The following RBFOX1 variants were observed in gnomAD, a reference collection of about 807,000 sequenced individuals.
RBFOX1 encodes the protein RNA binding fox-1 homolog 1, also known as RNA binding protein fox-1 homolog 1.
A neutral mutation model predicts 57.7 loss-of-function variants in RBFOX1; 8 were observed. That is an observed-to-expected ratio of 0.14 (90% CI 0.08 to 0.25). The LOEUF is 0.25. Ranked by LOEUF, RBFOX1 falls within the 10% of genes least tolerant of loss-of-function variation. The pLI is 1.00. For missense variants in RBFOX1, 611 were observed against 548.5 expected (o/e 1.11, Z -1.14); for synonymous variants, 326 against 222.4 (o/e 1.47, Z -4.15).
At chr16:6,416,482 C>T (rs1242302405) in intron 2 of RBFOX1, among the ~76,000 whole-genome samples, 4 of 151,952 alleles carry the variant, frequency 2.6e-5, no homozygotes, top group Non-Finnish European at 2.9e-5. Flanking sequence ...TTGTCTTGTT[C>T]TTTTTTTCGT....
chr16:7,622,850 T>G (rs1596682294), intron 10 of RBFOX1, among the ~76,000 whole-genome samples: 1 of 152,200 alleles, frequency 6.6e-6, no homozygotes, highest in Non-Finnish European at 1.5e-5. Context: ...ACCATAACCC[T>G]TCAGAGAAGC....
intron 1 of RBFOX1, among the ~76,000 whole-genome samples, chr16:6,179,166 A>C (rs1379660424): frequency 6.6e-6 from 1 of 151,992 alleles, no homozygotes; most frequent in Non-Finnish European, 1.5e-5. Flanking sequence ...GTTGTGGGCA[A>C]CTCCTGCATG....
chr16:5,334,620 T>G (rs2064849578), intron 1 of RBFOX1, among the ~76,000 whole-genome samples: 1 of 152,100 alleles, frequency 6.6e-6, no homozygotes, highest in Admixed American at 6.5e-5. Context: ...TGGTATATTT[T>G]TCAAGTGTGT....
At chr16:7,424,330 T>G (rs1264244661) in intron 4 of RBFOX1, among the ~76,000 whole-genome samples, 5 of 152,120 alleles carry the variant, frequency 3.3e-5, no homozygotes. Context: ...TGCAATCTTT[T>G]CTGACTGCAA....
At chr16:7,388,117 G>T (rs1241487516) in intron 4 of RBFOX1, among the ~76,000 whole-genome samples, 1 of 151,836 alleles carries the variant, frequency 6.6e-6, no homozygotes, top group Non-Finnish European at 1.5e-5. Context: ...AACATAATCA[G>T]TGTTTATTGT....
intron 3 of RBFOX1, among the ~76,000 whole-genome samples, chr16:5,847,166 CT>C (rs1222025654): frequency 1.3e-5 from 2 of 152,114 alleles, no homozygotes; most frequent in African/African-American, 4.8e-5. Context: ...ACTCCAGGAA[CT>C]TGGTTGGAGT....
At chr16:5,409,260 C>T (rs1267735326) in intron 1 of RBFOX1, among the ~76,000 whole-genome samples, 1 of 152,198 alleles carries the variant, frequency 6.6e-6, no homozygotes, top group Non-Finnish European at 1.5e-5. Context: ...CTGCGATGGA[C>T]AGTGTTCACT....
intron 4 of RBFOX1, among the ~76,000 whole-genome samples, chr16:5,871,523 T>C (rs944149080): frequency 2.6e-5 from 4 of 152,218 alleles, no homozygotes; most frequent in African/African-American, 9.6e-5. Flanking sequence ...CAAAAACGCA[T>C]ACACATTTCC....
rs1244629225 is a variant in RBFOX1, at chr16:5,288,014, A to C, written c.219+47909A>C. 2.6e-5 allele frequency among the ~76,000 whole-genome samples: 4 copies of C among 152,166 alleles called. No individual in the cohort carries two copies. In the East Asian group the frequency reaches 7.7e-4, roughly 29 times the overall value. ...CTGCAGCCCAGGCAATGGGGGCCTG[A>C]CTAGGGAGGTACCATAGCAGGGACT... On this transcript the variant is annotated intron_variant, in intron 1 of 2. Transcript: ENST00000585867.
In RBFOX1 at chr16:5,783,790, T is replaced by A. The variant is rs549216346; in HGVS notation, c.319-83513T>A. ...ACGAAGAGGCAGGATAGTATAGGTA[T>A]GTTCCCAGGGGGCAGGCTCCCTAGT... is the stretch of plus-strand genomic sequence containing the variant. On this transcript the variant is annotated intron_variant, in intron 3 of 19. Coordinates refer to the RBFOX1 transcript ENST00000641259. 7.2e-5 allele frequency among the ~76,000 whole-genome samples: 11 copies of A among 152,314 alleles called. No homozygotes were observed. The East Asian group carries it at 2.1e-3, about 29-fold the overall frequency.
At chr16:5,651,817 G>A (rs59096290) in intron 3 of RBFOX1, among the ~76,000 whole-genome samples, 350 of 152,204 alleles carry the variant, frequency 2.3e-3, no homozygotes, top group African/African-American at 8.0e-3. Context: ...TTTGCATATC[G>A]GTAACAAAGT....
At chr16:5,496,284 C>T (rs755903661) in intron 2 of RBFOX1, among the ~76,000 whole-genome samples, 9 of 152,146 alleles carry the variant, frequency 5.9e-5, no homozygotes, top group Non-Finnish European at 1.2e-4. Flanking sequence ...TTAATTTCTT[C>T]TCACGCTGGT....
At chr16:5,823,625 A>G (rs1277603864) in intron 3 of RBFOX1, among the ~76,000 whole-genome samples, 1 of 152,140 alleles carries the variant, frequency 6.6e-6, no homozygotes, top group African/African-American at 2.4e-5. Context: ...CACTCACATT[A>G]TCACCTGAGC....
At chr16:7,364,596 A>C (rs1219296856) in intron 4 of RBFOX1, among the ~76,000 whole-genome samples, 1 of 151,682 alleles carries the variant, frequency 6.6e-6, no homozygotes, top group Non-Finnish European at 1.5e-5. Flanking sequence ...AAAACAAAAA[A>C]AAAAAACTTG....
At chr16:7,511,528 C>G (rs1439496373) in intron 4 of RBFOX1, among the ~76,000 whole-genome samples, 4 of 152,164 alleles carry the variant, frequency 2.6e-5, no homozygotes, top group Non-Finnish European at 4.4e-5. Flanking sequence ...AGTCAACACA[C>G]TATGCTAATA....
intron 1 of RBFOX1, among the ~76,000 whole-genome samples, chr16:6,152,123 G>C (rs549344759): frequency 2.0e-5 from 3 of 152,152 alleles, no homozygotes; most frequent in South Asian, 2.1e-4. Context: ...ATCCATCAAA[G>C]CTGATGGAAT....
chr16:6,439,986 C>T (rs1416835241), intron 2 of RBFOX1, among the ~76,000 whole-genome samples: 1 of 151,668 alleles, frequency 6.6e-6, no homozygotes, highest in Non-Finnish European at 1.5e-5. Context: ...CTTACTCTGT[C>T]ACCCAGGCTG....
At chr16:7,342,448 C>T (rs549881133) in intron 4 of RBFOX1, among the ~76,000 whole-genome samples, 3 of 152,304 alleles carry the variant, frequency 2.0e-5, no homozygotes, top group Non-Finnish European at 2.9e-5. Context: ...CAGAAGGGAG[C>T]AATCCGATTT....
chr16:5,284,756 ATTTTTTTTTTT>A (rs1166998032), intron 1 of RBFOX1, among the ~76,000 whole-genome samples: 2 of 61,048 alleles, frequency 3.3e-5, no homozygotes, highest in African/African-American at 6.1e-5. Context: ...TTTGGCTTAG[ATTTTTTTTTTT>A]TTTTTTTTTT....
Sources: allele counts gnomAD v4.1 joint callset (sites outside exome capture counted in the v4.1 genomes callset), GRCh38; gene constraint gnomAD v4.1.1; transcripts MANE v1.5; gene names NCBI Gene and HGNC (gene_info 2026-07-23, HGNC 2026-07-21).